PCDH7: variants seen among roughly 807,000 people sequenced by gnomAD.
The protein encoded by PCDH7 is protocadherin 7, also known as protocadherin-7.
PCDH7 carries 17 observed loss-of-function variants against 58.9 expected under a neutral mutation model. The observed-to-expected ratio is 0.29, with a 90% CI of 0.20 to 0.43. The LOEUF is 0.43. Ranked by LOEUF, PCDH7 falls within the 20% of genes least tolerant of loss-of-function variation. The pLI, the probability that PCDH7 is intolerant of heterozygous loss-of-function variation, is 1.00. For synonymous variants in PCDH7, 664 were observed against 616.4 expected (o/e 1.08, Z -1.14); for missense variants, 1,274 against 1,441.0 (o/e 0.88, Z 1.88).
At chr4:31,005,927 C>T (rs1285487783) in intron 3 of PCDH7, among the ~76,000 whole-genome samples, 3 of 152,170 alleles carry the variant, frequency 2.0e-5, no homozygotes, top group East Asian at 1.9e-4. Flanking sequence ...GGTTGCAGCC[C>T]AACTTCATCA....
intron 1 of PCDH7, among the ~76,000 whole-genome samples, chr4:30,915,651 G>A (rs1333497920): frequency 6.6e-6 from 1 of 152,058 alleles, no homozygotes; most frequent in African/African-American, 2.4e-5. Flanking sequence ...AACCTCCCAA[G>A]TAGCTGGGAT....
chr4:30,722,083 G>T lies in PCDH7; in HGVS notation c.661G>T (p.Gly221Cys). 1 of 1,301,578 alleles carries T rather than the reference G, an allele frequency of 7.7e-7. No individual in the cohort carries two copies. The highest frequency in any genetic ancestry group is 9.7e-7 in the Non-Finnish European group (1 of 1,029,042). The allele number at this position is 1,301,578 out of a possible 1,614,324, so 80.6% of individuals were successfully genotyped here. The change falls in exon 1 of 2, where the codon GGC becomes TGC. Residue 221 changes from glycine (G) to cysteine (C), a missense_variant. Transcript: ENST00000361762. This position sits in a 1 kb window ranked among gnomAD's most constrained non-coding sequence, Gnocchi z 7.6. ...CGGCGCGAGCGGCGGCGGCTCGGGA[G>T]GCTCCAAGCGGCGGCTGGACGCATC...
chr4:31,066,371 C>A (rs917342966), intron 3 of PCDH7, among the ~76,000 whole-genome samples: 5 of 151,760 alleles, frequency 3.3e-5, no homozygotes, highest in African/African-American at 9.7e-5. Flanking sequence ...TATTAAGTCA[C>A]CCCTCCTTCA....
At chr4:30,777,246 A>G (rs998636499) in intron 1 of PCDH7, among the ~76,000 whole-genome samples, 2 of 152,194 alleles carry the variant, frequency 1.3e-5, no homozygotes, top group Non-Finnish European at 2.9e-5. Context: ...CTGGCATGTC[A>G]GCCTGAAACC....
At chr4:30,882,670 T>C (rs1436118350) in intron 1 of PCDH7, among the ~76,000 whole-genome samples, 1 of 152,194 alleles carries the variant, frequency 6.6e-6, no homozygotes, top group Admixed American at 6.5e-5. Context: ...GTGTTAGTCA[T>C]GTGGGGAAAT....
intron 1 of PCDH7, among the ~76,000 whole-genome samples, chr4:30,812,238 G>GGA (rs1474364756): frequency 6.6e-6 from 1 of 152,090 alleles, no homozygotes; most frequent in Non-Finnish European, 1.5e-5. Flanking sequence ...GAGTAGGGTA[G>GGA]GAGACAGCAC....
intron 2 of PCDH7, among the ~76,000 whole-genome samples, chr4:30,934,686 G>C (rs573986020): frequency 2.6e-5 from 4 of 151,974 alleles, no homozygotes; most frequent in Non-Finnish European, 5.9e-5. Context: ...CATTATATTT[G>C]AGTCATTTTT....
At chr4:31,079,987 T>G (rs1486964452) in intron 3 of PCDH7, among the ~76,000 whole-genome samples, 2 of 152,138 alleles carry the variant, frequency 1.3e-5, no homozygotes, top group African/African-American at 2.4e-5. Context: ...CAGTAAGAAG[T>G]GCCGCAACCT....
intron 3 of PCDH7, among the ~76,000 whole-genome samples, chr4:31,048,389 A>T (rs924672798): frequency 7.9e-5 from 12 of 151,894 alleles, no homozygotes; most frequent in African/African-American, 2.2e-4. Flanking sequence ...TTCAATAAAG[A>T]TTACATCCCA....
chr4:31,103,813 A>T (rs1314639907), intron 3 of PCDH7, among the ~76,000 whole-genome samples: 1 of 152,104 alleles, frequency 6.6e-6, no homozygotes, highest in Non-Finnish European at 1.5e-5. Context: ...ATTGTTTACC[A>T]TTTTTCACTT....
At chr4:31,036,660 G>C (rs1276359198) in intron 3 of PCDH7, among the ~76,000 whole-genome samples, 1 of 152,116 alleles carries the variant, frequency 6.6e-6, no homozygotes, top group Non-Finnish European at 1.5e-5. Flanking sequence ...TATTTATTGT[G>C]TGCAAAACAC....
intron 1 of PCDH7, among the ~76,000 whole-genome samples, chr4:30,740,606 A>G (rs1268209415): frequency 1.3e-5 from 2 of 152,084 alleles, no homozygotes; most frequent in Non-Finnish European, 2.9e-5. Context: ...ATAGAGAATA[A>G]CATTTTGACT....
chr4:31,134,984 G>A (rs1413157430), intron 3 of PCDH7, among the ~76,000 whole-genome samples: 1 of 152,152 alleles, frequency 6.6e-6, no homozygotes, highest in Non-Finnish European at 1.5e-5. Context: ...AGTAAGAGTA[G>A]TAATGTCACA....
chr4:30,895,148 A>G (rs960960635), intron 1 of PCDH7, among the ~76,000 whole-genome samples: 2 of 151,872 alleles, frequency 1.3e-5, no homozygotes, highest in Admixed American at 6.6e-5. Flanking sequence ...AAAAAAAATA[A>G]TAATAATAAA....
intron 1 of PCDH7, among the ~76,000 whole-genome samples, chr4:30,917,261 C>A (rs1578280110): frequency 6.6e-6 from 1 of 152,018 alleles, no homozygotes; most frequent in African/African-American, 2.4e-5. Flanking sequence ...TAAATTAAAT[C>A]TTAACTCTTG....
intron 3 of PCDH7, among the ~76,000 whole-genome samples, chr4:31,131,869 G>T (rs1309492414): frequency 6.6e-6 from 1 of 152,084 alleles, no homozygotes; most frequent in South Asian, 2.1e-4. Context: ...AAAGAAAAAT[G>T]CATGGGTGTC....
At chr4:31,118,630 A>G (rs1187566916) in intron 3 of PCDH7, among the ~76,000 whole-genome samples, 3 of 152,204 alleles carry the variant, frequency 2.0e-5, no homozygotes, top group Non-Finnish European at 4.4e-5. Context: ...TCTGACCTCA[A>G]TTTAAAGCCA....
intron 3 of PCDH7, among the ~76,000 whole-genome samples, chr4:31,056,323 G>C (rs1757160513): frequency 6.6e-6 from 1 of 150,798 alleles, no homozygotes; most frequent in Non-Finnish European, 1.5e-5. Flanking sequence ...AGCCGTAATA[G>C]TGTCACTGCA....
chr4:30,916,396 ACT>A (rs1742482451), intron 1 of PCDH7, among the ~76,000 whole-genome samples: 1 of 151,960 alleles, frequency 6.6e-6, no homozygotes, highest in African/African-American at 2.4e-5. Context: ...TTTGATTTTC[ACT>A]CTCTTGTTTT....
Sources: allele counts gnomAD v4.1 joint callset (sites outside exome capture counted in the v4.1 genomes callset), GRCh38; gene constraint gnomAD v4.1.1; non-coding constraint Gnocchi (gnomAD v3.1); transcripts MANE v1.5; gene names NCBI Gene and HGNC (gene_info 2026-07-23, HGNC 2026-07-21).